ARB2A: variants seen among roughly 807,000 people sequenced by gnomAD.
ARB2A encodes the protein cotranscriptional regulator ARB2A.
the ARB2A span, among the ~76,000 whole-genome samples, chr5:93,930,787 T>C: frequency 6.6e-6 from 1 of 152,210 alleles, no homozygotes; most frequent in Non-Finnish European, 1.5e-5. Flanking sequence ...GCAAAACTGT[T>C]GTTAAAAATT....
chr5:93,687,996 T>A, the ARB2A span, among the ~76,000 whole-genome samples: 2 of 151,664 alleles, frequency 1.3e-5, no homozygotes, highest in Non-Finnish European at 2.9e-5. Context: ...TTCTTTGAGA[T>A]AGAGTCTTGC....
chr5:93,672,455 A>G, the ARB2A span, among the ~76,000 whole-genome samples: 3 of 151,776 alleles, frequency 2.0e-5, no homozygotes, highest in Non-Finnish European at 4.4e-5. Flanking sequence ...GATTACAGGC[A>G]CTCACCACCA....
the ARB2A span, among the ~76,000 whole-genome samples, chr5:94,011,505 A>C: frequency 6.6e-6 from 1 of 152,300 alleles, no homozygotes; most frequent in South Asian, 2.1e-4. Context: ...GTAGACAGCC[A>C]AGAAATACAT....
chr5:93,676,937 CAG>C, the ARB2A span, among the ~76,000 whole-genome samples: 2 of 152,120 alleles, frequency 1.3e-5, no homozygotes, highest in Non-Finnish European at 2.9e-5. Flanking sequence ...GTCACGGTGC[CAG>C]ATTGGACACT....
At chr5:93,805,234 T>C in the ARB2A span, 1 of 985,056 alleles carries the variant, frequency 1.0e-6, no homozygotes, top group Non-Finnish European at 1.2e-6. Flanking sequence ...TCCTTTCTTC[T>C]ATGATTTAAA....
chr5:93,960,879 C>T, the ARB2A span, among the ~76,000 whole-genome samples: 4 of 152,062 alleles, frequency 2.6e-5, no homozygotes, highest in South Asian at 2.1e-4. Flanking sequence ...CATGCTATGT[C>T]CAGAGTAAAC....
the ARB2A span, among the ~76,000 whole-genome samples, chr5:93,633,498 C>A: frequency 6.6e-6 from 1 of 152,178 alleles, no homozygotes; most frequent in African/African-American, 2.4e-5. Flanking sequence ...TTTATCATAA[C>A]CTCAACTCTG....
At chr5:94,005,530 G>T in the ARB2A span, among the ~76,000 whole-genome samples, 4 of 152,114 alleles carry the variant, frequency 2.6e-5, no homozygotes, top group Admixed American at 6.5e-5. Flanking sequence ...ATCTACAAAT[G>T]ACTGCAAAAG....
chr5:93,881,817 G>T, the ARB2A span: 2 of 445,228 alleles, frequency 4.5e-6, no homozygotes, highest in South Asian at 8.5e-5. Flanking sequence ...ACTCCTTTAG[G>T]CAAGATAATG....
chr5:93,711,213 T>G, the ARB2A span, among the ~76,000 whole-genome samples: 4 of 151,342 alleles, frequency 2.6e-5, no homozygotes, highest in South Asian at 6.2e-4. Flanking sequence ...TTGTTTTTTT[T>G]TTTTTGGTCA....
chr5:94,052,649 G>A, the ARB2A span, among the ~76,000 whole-genome samples: 1 of 152,130 alleles, frequency 6.6e-6, no homozygotes, highest in Non-Finnish European at 1.5e-5. Flanking sequence ...AAAGGTTATT[G>A]TATTCAGAAC....
the ARB2A span, among the ~76,000 whole-genome samples, chr5:93,639,944 C>T: frequency 1.3e-5 from 2 of 150,644 alleles, no homozygotes; most frequent in African/African-American, 4.9e-5. Flanking sequence ...ACTAGGGAGG[C>T]TGAGCCAAGA....
chr5:93,635,459 G>GTTTTTTTTTTTTTTTTTTTTTTTTTTT, the ARB2A span, among the ~76,000 whole-genome samples: 8 of 128,920 alleles, frequency 6.2e-5, no homozygotes, highest in African/African-American at 2.2e-4. Context: ...TTATACGAAA[G>GTTTTTTTTTTTTTTTTTTTTTTTTTTT]TTTTTTTTTT....
At chr5:93,621,233 G>A in the ARB2A span, 1 of 903,306 alleles carries the variant, frequency 1.1e-6, no homozygotes, top group Non-Finnish European at 1.4e-6. Flanking sequence ...ACCCGGTCCC[G>A]CCCCTCCCCG....
the ARB2A span, among the ~76,000 whole-genome samples, chr5:93,658,935 G>T: frequency 1.6e-5 from 2 of 128,890 alleles, no homozygotes; most frequent in African/African-American, 5.7e-5. Flanking sequence ...AGCAAACAGG[G>T]ATAGGGTATG....
At chr5:93,975,891 A>G in the ARB2A span, among the ~76,000 whole-genome samples, 4 of 152,096 alleles carry the variant, frequency 2.6e-5, no homozygotes, top group South Asian at 2.1e-4. Context: ...AAACTATTAC[A>G]AAAAGTCAAG....
At chr5:93,766,907 G>A in the ARB2A span, among the ~76,000 whole-genome samples, 1 of 152,034 alleles carries the variant, frequency 6.6e-6, no homozygotes, top group South Asian at 2.1e-4. Flanking sequence ...GATGACGATG[G>A]AAACCATTAT....
the ARB2A span, among the ~76,000 whole-genome samples, chr5:93,853,343 T>A: frequency 6.6e-6 from 1 of 152,234 alleles, no homozygotes; most frequent in Admixed American, 6.5e-5. Context: ...CTTATCAGCT[T>A]AAGGAGATTT....
At chr5:93,727,871 A>C in the ARB2A span, among the ~76,000 whole-genome samples, 1 of 152,068 alleles carries the variant, frequency 6.6e-6, no homozygotes, top group Non-Finnish European at 1.5e-5. Context: ...GTCAGGACTC[A>C]TGTGTTTATT....
Sources: gnomAD v4.1 joint callset for allele counts (sites outside exome capture counted in the v4.1 genomes callset) on GRCh38, gnomAD v4.1.1 for gene constraint, MANE v1.5 for transcripts, NCBI Gene and HGNC (gene_info 2026-07-23, HGNC 2026-07-21) for gene names.